Variants in PECAM1 observed in about 807,000 individuals in gnomAD.
The protein encoded by PECAM1 is platelet and endothelial cell adhesion molecule 1, also known as platelet endothelial cell adhesion molecule.
A neutral mutation model predicts 13.8 loss-of-function variants in PECAM1; 8 were observed. The ratio of observed to expected loss-of-function variants is 0.58; its 90% CI spans 0.34 to 1.05. The LOEUF is 1.05. PECAM1 is among the 50% of genes least tolerant of loss of function. The pLI is 0.03. For synonymous variants in PECAM1, 136 were observed against 52.6 expected, an observed-to-expected ratio of 2.58 and a Z score of -6.86; for missense variants, 304 against 141.2, an observed-to-expected ratio of 2.15 and a Z score of -5.84.
chr17:64,329,971 A>T (rs954507), intron 14 of PECAM1, among the ~76,000 whole-genome samples: 79,705 of 148,314 alleles, frequency 0.54, 21,109 homozygotes, highest in East Asian at 0.69. Flanking sequence ...TTTATTTTTT[A>T]TTTTTTGAGA....
chr17:64,323,930 G>A, intron 15 of PECAM1, 85 bp from the exon 16 acceptor site: 1 of 787,930 alleles, frequency 1.3e-6, no homozygotes, highest in African/African-American at 1.7e-5. Context: ...CAAAATGACA[G>A]CACTTCTCAA....
chr17:64,325,741 A>G (rs2034937368), intron 15 of PECAM1, among the ~76,000 whole-genome samples: 1 of 151,350 alleles, frequency 6.6e-6, no homozygotes, highest in Admixed American at 6.5e-5. Flanking sequence ...CATCTCAAAA[A>G]ACACACAAAC....
chr17:64,322,136 G>A lies in PECAM1; in HGVS notation c.*1680C>T. 9.0e-6 allele frequency: 9 copies of A among 1,005,116 alleles called. No individual in the cohort carries two copies. The highest frequency in any genetic ancestry group is 1.1e-5 in the Non-Finnish European group (9 of 816,488). The allele number at this position is 1,005,116 out of a possible 1,614,324, so 62.3% of individuals were successfully genotyped here. A position where few individuals can be genotyped will look rare whatever the true frequency, so the allele number is the denominator to read the frequency against. ...TGCAATCCCAACCCAAAGGCCTGTG[G>A]AGCACACATGAGGACAAGGCGGGCA... On this transcript the variant is annotated 3_prime_UTR_variant, in exon 16 of 16. Transcript: ENST00000563924.
intron 2 of PECAM1, among the ~76,000 whole-genome samples, chr17:64,381,418 C>T (rs896822492): frequency 1.3e-4 from 19 of 151,974 alleles, no homozygotes; most frequent in African/African-American, 4.1e-4. Flanking sequence ...TCTCATTGAA[C>T]AATACATAAT....
At chr17:64,387,912 C>T (rs2036632969) in intron 2 of PECAM1, among the ~76,000 whole-genome samples, 1 of 152,190 alleles carries the variant, frequency 6.6e-6, no homozygotes, top group Non-Finnish European at 1.5e-5. Flanking sequence ...GCCTGCAGGC[C>T]ACGCACTGCA....
chr17:64,364,202 G>T (rs147406108), intron 5 of PECAM1, among the ~76,000 whole-genome samples: 1 of 151,948 alleles, frequency 6.6e-6, no homozygotes, highest in Non-Finnish European at 1.5e-5. Flanking sequence ...ACACCTCTAA[G>T]CAAATAAACT....
At chr17:64,338,239 A>ATTTTT (rs149206249) in intron 14 of PECAM1, among the ~76,000 whole-genome samples, 1 of 108,814 alleles carries the variant, frequency 9.2e-6, no homozygotes, top group South Asian at 3.2e-4. Flanking sequence ...ATTTTTTAAA[A>ATTTTT]TTTTTTTTTT....
At chr17:64,368,931 C>CTTTTTTTTTTTTTTT (rs1176037024) in intron 5 of PECAM1, among the ~76,000 whole-genome samples, 2 of 75,074 alleles carry the variant, frequency 2.7e-5, no homozygotes, top group African/African-American at 6.2e-5. Flanking sequence ...ATTGTCATTT[C>CTTTTTTTTTTTTTTT]TTTTTTTTTT....
intron 5 of PECAM1, among the ~76,000 whole-genome samples, chr17:64,365,271 T>C (rs2036077521): frequency 6.6e-6 from 1 of 152,118 alleles, no homozygotes; most frequent in South Asian, 2.1e-4. Context: ...ACAAGGGACA[T>C]GAAGGACCTC....
intron 5 of PECAM1, 54 bp from the exon 6 acceptor site, chr17:64,363,451 G>C: frequency 2.1e-6 from 1 of 473,860 alleles, no homozygotes. Flanking sequence ...CCACCCTAAA[G>C]ACCCTTCCTG....
intron 2 of PECAM1, among the ~76,000 whole-genome samples, chr17:64,383,463 TCTGC>T (rs2036526785): frequency 6.6e-6 from 1 of 152,218 alleles, no homozygotes; most frequent in Admixed American, 6.5e-5. Context: ...GTTGACATTC[TCTGC>T]CTTCTTCCTT....
rs1280069742 is a variant in PECAM1, at chr17:64,350,367, A to G, written c.2044+13T>C. ...AAGTTGGTTCTAATAAAAACATGTA[A>G]TTAGATAATTACCTTTATTATCATT... On this transcript the variant is annotated intron_variant, in intron 12 of 15. Transcript: ENST00000563924. 2 of 414,500 alleles carry G rather than the reference A, an allele frequency of 4.8e-6. No individual in the cohort carries two copies. The highest frequency in any genetic ancestry group is 8.8e-6 in the Non-Finnish European group (2 of 226,824). The allele number at this position is 414,500 out of a possible 1,614,324, so 25.7% of individuals were successfully genotyped here.
intron 13 of PECAM1, among the ~76,000 whole-genome samples, chr17:64,344,505 G>A (rs2035515031): frequency 6.6e-6 from 1 of 152,088 alleles, no homozygotes; most frequent in Non-Finnish European, 1.5e-5. Flanking sequence ...GATTTACTGA[G>A]TTCCTTCCTG....
intron 14 of PECAM1, among the ~76,000 whole-genome samples, chr17:64,334,756 C>G (rs1283044221): frequency 1.6e-4 from 24 of 152,142 alleles, no homozygotes; most frequent in African/African-American, 5.1e-4. Context: ...ATCCGCCCGC[C>G]TTAGCCTCCC....
chr17:64,325,383 G>A (rs1002847787), intron 15 of PECAM1, among the ~76,000 whole-genome samples: 3 of 150,186 alleles, frequency 2.0e-5, no homozygotes, highest in South Asian at 2.1e-4. Flanking sequence ...GCAAGACTCC[G>A]TCTCAAAAAA....
At chr17:64,324,102 T>C (rs1275130483) in intron 15 of PECAM1, among the ~76,000 whole-genome samples, 1 of 152,166 alleles carries the variant, frequency 6.6e-6, no homozygotes, top group African/African-American at 2.4e-5. Context: ...ATTTACTTAA[T>C]ACAACACCCA....
At chr17:64,335,069 C>T (rs1007492956) in intron 14 of PECAM1, among the ~76,000 whole-genome samples, 3 of 152,038 alleles carry the variant, frequency 2.0e-5, no homozygotes, top group East Asian at 1.9e-4. Context: ...TAGAAATGCA[C>T]GTTTTCGGCA....
intron 14 of PECAM1, among the ~76,000 whole-genome samples, chr17:64,337,019 G>C (rs8082101): frequency 0.47 from 71,419 of 151,876 alleles, 18,039 homozygotes; most frequent in East Asian, 0.68. Flanking sequence ...GAGAGAGAAA[G>C]AGAGAAAGAA....
intron 2 of PECAM1, among the ~76,000 whole-genome samples, chr17:64,382,856 A>G (rs1333077428): frequency 6.6e-6 from 1 of 151,902 alleles, no homozygotes; most frequent in Non-Finnish European, 1.5e-5. Context: ...CCTGGCTAAC[A>G]TGGTGAAACC....
Sources: gnomAD v4.1 joint callset for allele counts (sites outside exome capture counted in the v4.1 genomes callset) on GRCh38, gnomAD v4.1.1 for gene constraint, MANE v1.5 for transcripts, NCBI Gene and HGNC (gene_info 2026-07-23, HGNC 2026-07-21) for gene names.